Variants in MFSD11 observed in about 807,000 individuals in gnomAD.
The protein encoded by MFSD11 is UNC93-like protein MFSD11.
In MFSD11, 36 loss-of-function variants were observed where a neutral mutation model predicts 53.5. The observed-to-expected ratio is 0.67, with a 90% CI of 0.52 to 0.89. The LOEUF (loss-of-function observed/expected upper bound fraction) is 0.89, where lower values mean the gene tolerates loss of function less well. Ranked by LOEUF, MFSD11 falls within the 40% of genes least tolerant of loss-of-function variation. The probability of loss-of-function intolerance (pLI) is 0.00; values close to 1 mark genes in which losing one functional copy is unlikely to be tolerated. For synonymous variants in MFSD11, 186 were observed against 184.9 expected, an observed-to-expected ratio of 1.01 and a Z score of -0.05; for missense variants, 530 against 543.9, an observed-to-expected ratio of 0.97 and a Z score of 0.25.
Position 76,738,417 on chromosome 17 carries a change from T to G in MFSD11, c.65T>G (p.Phe22Cys). Reference protein sequence around the residue: ...IILGVAFMFMFTAFQTCGNVA... With the variant: ...IILGVAFMFMCTAFQTCGNVA... Reference sequence around the variant, plus strand: ...TTAGGAGTTGCCTTTATGTTTATGTTCACTGCCTTTCAAACTTGTGGAAAT... The same window carrying G: ...TTAGGAGTTGCCTTTATGTTTATGTGCACTGCCTTTCAAACTTGTGGAAAT... Residue 22 changes from phenylalanine (F) to cysteine (C), a missense_variant, in exon 1 of 13, where the codon TTC (phenylalanine) becomes TGC (cysteine). Phe to Cys is a radical substitution (Grantham distance 205). Coordinates refer to ENST00000685175, the MANE Select transcript of MFSD11 (RefSeq NM_001242532.5). The G allele has an allele frequency of 6.2e-7, 1 of 1,614,146 alleles. No individual in the cohort carries two copies. The highest frequency in any genetic ancestry group is 2.2e-5 in the East Asian group (1 of 44,890).
At chr17:76,794,671 G>A in the MFSD11 span, among the ~76,000 whole-genome samples, 86,128 of 96,228 alleles carry the variant, frequency 0.9, 39,508 homozygotes, top group Non-Finnish European at 0.94. Context: ...ATCTGAAGAA[G>A]ATGTACTCTT....
chr17:76,767,080 C>T, intron 8 of MFSD11: 1 of 263,268 alleles, frequency 3.8e-6, no homozygotes, highest in Non-Finnish European at 7.2e-6. Context: ...TTAATCATGC[C>T]TTTTGAAGTA....
chr17:76,765,903 C>T (rs2080807165), intron 8 of MFSD11, among the ~76,000 whole-genome samples: 1 of 151,606 alleles, frequency 6.6e-6, no homozygotes, highest in East Asian at 1.9e-4. Context: ...GAACTTCCCT[C>T]TGTTATTAAT....
the MFSD11 span, among the ~76,000 whole-genome samples, chr17:76,801,920 T>C: frequency 2.0e-5 from 3 of 152,052 alleles, no homozygotes; most frequent in African/African-American, 7.2e-5. Flanking sequence ...GCCCATTAGG[T>C]CTTGGCCTCA....
At chr17:76,767,355 A>G in intron 8 of MFSD11, 31 bp from the exon 9 acceptor site, 1 of 1,365,822 alleles carries the variant, frequency 7.3e-7, no homozygotes, top group Non-Finnish European at 1.0e-6. Flanking sequence ...CTAAAATCTA[A>G]TTAAGTACTC....
chr17:76,738,560 T>C (rs62086784), intron 1 of MFSD11, 112 bp downstream of exon 1: 46,803 of 757,472 alleles, frequency 0.062, 1,681 homozygotes, highest in East Asian at 0.072. Flanking sequence ...TCTTTCATTT[T>C]TCCCACCCAG....
At chr17:76,738,572 C>G in intron 1 of MFSD11, 124 bp downstream of exon 1, 1 of 698,552 alleles carries the variant, frequency 1.4e-6, no homozygotes, top group African/African-American at 1.8e-5. Context: ...CCCACCCAGA[C>G]TTCCTCATTT....
chr17:76,768,073 CG>C (rs1568101593), intron 9 of MFSD11, among the ~76,000 whole-genome samples: 1 of 151,902 alleles, frequency 6.6e-6, no homozygotes, highest in African/African-American at 2.4e-5. Flanking sequence ...GAGGCTGAGG[CG>C]GGTGGATTGC....
the MFSD11 span, among the ~76,000 whole-genome samples, chr17:76,802,254 G>T: frequency 1.3e-5 from 2 of 152,246 alleles, no homozygotes; most frequent in East Asian, 3.9e-4. Flanking sequence ...CTGAGTGACA[G>T]AGCAGAACTC....
chr17:76,737,262 A>C, upstream of MFSD11: 5 of 1,427,042 alleles, frequency 3.5e-6, no homozygotes, highest in Non-Finnish European at 4.6e-6. Flanking sequence ...CCGCGTGGGG[A>C]CACTGGGAAA....
the MFSD11 span, among the ~76,000 whole-genome samples, chr17:76,797,089 A>G: frequency 0.023 from 3,465 of 152,272 alleles, 136 homozygotes; most frequent in African/African-American, 0.078. Context: ...GAATTGCTGG[A>G]ACCCAGGAGG....
chr17:76,762,841 A>AACAAGCT (rs1185205610), intron 8 of MFSD11, among the ~76,000 whole-genome samples: 1 of 152,088 alleles, frequency 6.6e-6, no homozygotes, highest in Non-Finnish European at 1.5e-5. Context: ...CACAAGAGTA[A>AACAAGCT]ACAAGCTATT....
intron 8 of MFSD11, among the ~76,000 whole-genome samples, chr17:76,755,700 A>C (rs890212396): frequency 1.7e-4 from 25 of 144,268 alleles, no homozygotes; most frequent in Non-Finnish European, 2.9e-4. Flanking sequence ...AGTTTTTTAC[A>C]TATATATATG....
intron 6 of MFSD11, 60 bp downstream of exon 6, chr17:76,743,516 G>T (rs2078280160): frequency 1.9e-6 from 2 of 1,045,456 alleles, no homozygotes; most frequent in African/African-American, 3.3e-5. Flanking sequence ...GAGTTATATA[G>T]AAATACCCAT....
At chr17:76,795,705 C>T in the MFSD11 span, among the ~76,000 whole-genome samples, 1 of 151,942 alleles carries the variant, frequency 6.6e-6, no homozygotes, top group Non-Finnish European at 1.5e-5. Flanking sequence ...GTGGTGCTTT[C>T]TAATTTCCTA....
intron 7 of MFSD11, among the ~76,000 whole-genome samples, chr17:76,753,252 T>A (rs1213061385): frequency 6.7e-6 from 1 of 149,266 alleles, no homozygotes; most frequent in East Asian, 1.9e-4. Flanking sequence ...TGATACCACA[T>A]CCAAAGTAAC....
At chr17:76,774,195 G>A (rs2081615732) in intron 10 of MFSD11, among the ~76,000 whole-genome samples, 1 of 152,024 alleles carries the variant, frequency 6.6e-6, no homozygotes, top group Non-Finnish European at 1.5e-5. Context: ...CAAAGGGCTG[G>A]GATTACAGGT....
the MFSD11 span, among the ~76,000 whole-genome samples, chr17:76,793,566 C>T: frequency 1.3e-5 from 2 of 151,162 alleles, no homozygotes; most frequent in Non-Finnish European, 2.9e-5. Context: ...ATCACGGGGT[C>T]CTGAGGCGAC....
In MFSD11 at chr17:76,776,407, A is replaced by C. The variant is rs1268751631; in HGVS notation, c.1051A>C (p.Lys351Gln). 3.7e-6 allele frequency: 6 copies of C among 1,613,240 alleles called. No individual in the cohort carries two copies. In the Admixed American group the frequency reaches 6.7e-5, roughly 18 times the overall value. ...TAAATTGATTTTTATTTTCTTCAGCAAAGAAGTTGCCATTCTCTGCAGTTT... is the reference window on the plus strand; with the variant it reads ...TAAATTGATTTTTATTTTCTTCAGCCAAGAAGTTGCCATTCTCTGCAGTTT... ...TDSSAYIKSS[K>Q]EVAILCSFLL... The change falls in exon 12 of 13, where the codon AAA becomes CAA. Residue 351 changes from lysine (K) to glutamine (Q), a missense_variant and splice_region_variant. Transcript: ENST00000685175. The surrounding 1 kb of genome is among the most constrained non-coding windows in gnomAD (Gnocchi z 4.2).
Sources: allele counts gnomAD v4.1 joint callset (sites outside exome capture counted in the v4.1 genomes callset), GRCh38; gene constraint gnomAD v4.1.1; non-coding constraint Gnocchi (gnomAD v3.1); transcripts MANE v1.5; gene names NCBI Gene and HGNC (gene_info 2026-07-23, HGNC 2026-07-21).